The following VEPH1 variants were observed in gnomAD, a reference collection of about 807,000 sequenced individuals.
The protein encoded by VEPH1 is ventricular zone expressed PH domain containing 1.
Under a neutral mutation model 85.2 loss-of-function variants are expected in VEPH1, and 80 were observed. That is an observed-to-expected ratio of 0.94 (90% CI 0.78 to 1.13). The LOEUF (loss-of-function observed/expected upper bound fraction) is 1.13. VEPH1 is among the 50% of genes most tolerant of loss of function. VEPH1 has a pLI of 0.00. For missense variants in VEPH1, 955 were observed against 980.5 expected (o/e 0.97, Z 0.35); for synonymous variants, 297 against 348.0 (o/e 0.85, Z 1.63).
At chr3:157,363,327 T>A (rs1400905810) in intron 9 of VEPH1, 37 bp downstream of exon 9, 1 of 1,519,370 alleles carries the variant, frequency 6.6e-7, no homozygotes. Flanking sequence ...CAGTGACTCC[T>A]GAAGTTTCTC....
chr3:157,365,956 C>G (rs1726642546), intron 7 of VEPH1, among the ~76,000 whole-genome samples: 1 of 152,184 alleles, frequency 6.6e-6, no homozygotes, highest in African/African-American at 2.4e-5. Flanking sequence ...TCTCCCCTCC[C>G]CAGAGACTGG....
chr3:157,315,296 G>C (rs1720626845), intron 10 of VEPH1, among the ~76,000 whole-genome samples: 2 of 152,004 alleles, frequency 1.3e-5, no homozygotes, highest in Non-Finnish European at 2.9e-5. Flanking sequence ...GCTCAAGTTA[G>C]TGATCCACAG....
intron 6 of VEPH1, among the ~76,000 whole-genome samples, chr3:157,387,619 G>A (rs529686443): frequency 1.3e-5 from 2 of 152,164 alleles, no homozygotes; most frequent in Non-Finnish European, 2.9e-5. Context: ...TGTGGTAGAC[G>A]TCACCAGCTG....
intron 6 of VEPH1, among the ~76,000 whole-genome samples, chr3:157,389,656 TAGATAGATA>T (rs1316494891): frequency 2.0e-5 from 3 of 151,468 alleles, no homozygotes; most frequent in Non-Finnish European, 2.9e-5. Context: ...GATAGATAGA[TAGATAGATA>T]GATAGATAGA....
At chr3:157,416,894 GAGAA>G (rs1731960132) in intron 5 of VEPH1, among the ~76,000 whole-genome samples, 2 of 147,966 alleles carry the variant, frequency 1.4e-5, no homozygotes, top group South Asian at 2.1e-4. Flanking sequence ...AAGAAAGAAA[GAGAA>G]AGGAAGGACG....
At chr3:157,371,167 C>T (rs1427991958) in intron 7 of VEPH1, among the ~76,000 whole-genome samples, 1 of 152,196 alleles carries the variant, frequency 6.6e-6, no homozygotes, top group African/African-American at 2.4e-5. Context: ...AAAATCCCTC[C>T]TCTTACTGCA....
At chr3:157,353,776 T>C (rs1380672013) in intron 9 of VEPH1, among the ~76,000 whole-genome samples, 1 of 152,178 alleles carries the variant, frequency 6.6e-6, no homozygotes, top group Non-Finnish European at 1.5e-5. Flanking sequence ...TCATTTCTAT[T>C]ATTTATCATA....
At position 157,261,373 on chromosome 3, in the gene VEPH1, G is replaced by A; in HGVS notation, c.2266-3C>T. On this transcript the variant is annotated splice_region_variant and splice_polypyrimidine_tract_variant and intron_variant, in intron 13 of 13. Transcript: ENST00000362010. The stretch of plus-strand genomic sequence containing the variant: ...GGGCAGTCGTCAGGGTCATCTTTCT[G>A]AAAGGCATGGGAAGAAAAGAACATG... 2 of 1,613,096 alleles carry A rather than the reference G, an allele frequency of 1.2e-6. No homozygotes were observed. Among genetic ancestry groups the A allele is most frequent in the South Asian group, 2.2e-5 (2 of 90,984 alleles).
Position 157,460,236 on chromosome 3 carries a change from G to T in VEPH1, c.474C>A (p.Thr158=), listed in dbSNP as rs776730367. Residue 158 remains threonine (T), a synonymous_variant, in exon 4 of 14, where the codon ACC becomes ACA. Coordinates refer to ENST00000362010, the MANE Select transcript of VEPH1 (RefSeq NM_001167912.2). ...TGTGATCAGCCAGGAGATCTGCCTTGGTAATTGCAGCCAGAGACAGGTAGT... is the reference window on the plus strand; with the variant it reads ...TGTGATCAGCCAGGAGATCTGCCTTTGTAATTGCAGCCAGAGACAGGTAGT... ...MSNYLSLAAI[T]KADLLADHTE... is the part of the protein sequence containing the mutation. 3.7e-6 allele frequency: 6 copies of T among 1,614,096 alleles called. No homozygotes were observed. The highest frequency in any genetic ancestry group is 5.1e-6 in the Non-Finnish European group (6 of 1,180,012).
At chr3:157,327,280 G>A (rs936058718) in intron 9 of VEPH1, among the ~76,000 whole-genome samples, 2 of 152,196 alleles carry the variant, frequency 1.3e-5, no homozygotes, top group Admixed American at 1.3e-4. Flanking sequence ...GATAAGCATA[G>A]GAGAGATGAG....
At chr3:157,450,447 T>C (rs1362341269) in intron 4 of VEPH1, among the ~76,000 whole-genome samples, 4 of 152,064 alleles carry the variant, frequency 2.6e-5, no homozygotes, top group Admixed American at 2.6e-4. Flanking sequence ...TAACTTTCAT[T>C]TATTTTTCTT....
rs111975800 is a variant in VEPH1 at position 157,447,196 on chromosome 3, A to G, written c.529+12985T>C. ...GTTCAGCACACAAATGTCCAAATCT[A>G]TGCAGGCCTTGTTCTACTTCACAGC... On this transcript the variant is annotated intron_variant, in intron 4 of 13. Coordinates refer to ENST00000362010, the MANE Select transcript of VEPH1 (RefSeq NM_001167912.2). Among the ~76,000 whole-genome samples, 22 of 152,320 alleles carry G rather than the reference A, an allele frequency of 1.4e-4. 1 individual carries two copies. The highest frequency in any genetic ancestry group is 5.1e-4 in the African/African-American group (21 of 41,570).
intron 4 of VEPH1, among the ~76,000 whole-genome samples, chr3:157,434,386 A>G (rs1733395416): frequency 2.6e-5 from 4 of 151,984 alleles, no homozygotes; most frequent in Admixed American, 2.0e-4. Flanking sequence ...ATCACAGCTC[A>G]CTGCAGCCTC....
intron 13 of VEPH1, among the ~76,000 whole-genome samples, chr3:157,263,225 T>G (rs1017820059): frequency 7.2e-5 from 11 of 152,206 alleles, no homozygotes; most frequent in Non-Finnish European, 1.3e-4. Flanking sequence ...TTAGAGGTAT[T>G]TTGCTGTGGC....
intron 4 of VEPH1, among the ~76,000 whole-genome samples, chr3:157,448,790 C>T (rs187026995): frequency 9.6e-4 from 146 of 152,298 alleles, no homozygotes; most frequent in Non-Finnish European, 1.3e-3. Context: ...AAATTCATTG[C>T]CCAAGTGATA....
intron 2 of VEPH1, 28 bp from the exon 3 acceptor site, chr3:157,470,557 A>T: frequency 6.2e-7 from 1 of 1,602,970 alleles, no homozygotes; most frequent in Non-Finnish European, 8.5e-7. Flanking sequence ...CTTCATGTTA[A>T]ATAATACTCT....
intron 4 of VEPH1, chr3:157,442,779 G>A (rs1734233757): frequency 6.2e-7 from 1 of 1,614,236 alleles, no homozygotes; most frequent in Non-Finnish European, 8.5e-7. Flanking sequence ...AGAAAAGAAT[G>A]GCTGCTGTGT....
chr3:157,286,685 A>C lies in VEPH1; in HGVS notation c.2011-11T>G. The stretch of plus-strand genomic sequence containing the variant: ...TACCTGGTCCAGATCCTGTGTCAGG[A>C]ACACAAAGCACAAAGAACATAAGCT... On this transcript the variant is annotated splice_polypyrimidine_tract_variant and intron_variant, in intron 11 of 13. Transcript: ENST00000362010. 6.2e-7 allele frequency: 1 copy of C among 1,606,560 alleles called. No homozygotes were observed. Among genetic ancestry groups the C allele is most frequent in the Non-Finnish European group, 8.5e-7 (1 of 1,173,168 alleles).
At chr3:157,459,531 A>T in intron 4 of VEPH1, 1 of 897,476 alleles carries the variant, frequency 1.1e-6, no homozygotes, top group Non-Finnish European at 1.4e-6. Flanking sequence ...CACATCAATT[A>T]ATATCATGTA....
Sources: allele counts gnomAD v4.1 joint callset (sites outside exome capture counted in the v4.1 genomes callset), GRCh38; gene constraint gnomAD v4.1.1; transcripts MANE v1.5; gene names NCBI Gene and HGNC (gene_info 2026-07-23, HGNC 2026-07-21).